SPTA1: variants seen among roughly 807,000 people sequenced by gnomAD.
SPTA1 encodes spectrin alpha chain, erythrocytic 1.
In SPTA1, 177 loss-of-function variants were observed where a neutral mutation model predicts 324.7. The ratio of observed to expected loss-of-function variants is 0.55; its 90% CI spans 0.48 to 0.62. The LOEUF is 0.62. Among genes scored for constraint, SPTA1 ranks in the 20% least tolerant of loss-of-function variants. SPTA1 has a pLI of 0.00. For synonymous variants in SPTA1, 1,195 were observed against 1,041.3 expected (o/e 1.15, Z -2.84); for missense variants, 3,162 against 2,883.6 (o/e 1.10, Z -2.21).
In SPTA1 at chr1:158,638,233, G is replaced by C. The variant is rs369565453; in HGVS notation, c.4989C>G (p.Leu1663=). Residue 1663 remains leucine, a synonymous_variant, in exon 36 of 52, where the codon CTC becomes CTG. Coordinates refer to ENST00000643759, the MANE Select transcript of SPTA1 (RefSeq NM_003126.4). ...EREMLAREDA[L]KDLNTLAEDL... ...CTTCAGCCAATGTATTCAGGTCCTT[G>C]AGTGCATCCTAGAAAGTCTCGGGAT... is the stretch of plus-strand genomic sequence containing the variant. 62 of 1,611,926 alleles carry C rather than the reference G, an allele frequency of 3.8e-5. No homozygotes were observed. In the African/African-American group the frequency reaches 7.7e-4, roughly 20 times the overall value.
chr1:158,619,682 C>T (rs915906956), intron 44 of SPTA1, among the ~76,000 whole-genome samples: 4 of 152,130 alleles, frequency 2.6e-5, no homozygotes, highest in Non-Finnish European at 5.9e-5. Flanking sequence ...CCCTTAGAAA[C>T]AATAGTTACT....
intron 47 of SPTA1, among the ~76,000 whole-genome samples, chr1:158,616,078 T>C (rs1649538498): frequency 6.6e-6 from 1 of 152,208 alleles, no homozygotes; most frequent in Non-Finnish European, 1.5e-5. Context: ...GCTTGTAGCC[T>C]TTCAAAGGTC....
chr1:158,651,309 A>G (rs977182099), intron 24 of SPTA1, 58 bp downstream of exon 24: 1 of 1,083,328 alleles, frequency 9.2e-7, no homozygotes, highest in Non-Finnish European at 1.4e-6. Flanking sequence ...TTGAAGTGAA[A>G]TGAGGACTCC....
intron 20 of SPTA1, among the ~76,000 whole-genome samples, 165 bp downstream of exon 20, chr1:158,656,399 A>G (rs1024807697): frequency 6.6e-6 from 1 of 152,226 alleles, no homozygotes; most frequent in African/African-American, 2.4e-5. Context: ...TCTCCTTTGG[A>G]CTAAATTGTG....
rs1178697449 is a variant in SPTA1 at position 158,654,750 on chromosome 1, T to G, written c.2899-2A>C. The G allele has an allele frequency of 6.2e-7, 1 of 1,613,414 alleles. No individual in the cohort carries two copies. The highest frequency in any genetic ancestry group is 1.1e-5 in the South Asian group (1 of 91,066). ...CTCCACTGGTGCAGCCTGTTGTTGC[T>G]GAATAAAAACAGGAAGCAGGTGTCA... On this transcript the variant is annotated splice_acceptor_variant, in intron 20 of 51. Transcript: ENST00000643759. LOFTEE classifies it high-confidence loss of function.
chr1:158,636,872 A>G, intron 36 of SPTA1, 111 bp from the exon 37 acceptor site: 1 of 1,584,960 alleles, frequency 6.3e-7, no homozygotes, highest in Non-Finnish European at 8.6e-7. Context: ...AGGTGGTTGT[A>G]AATTCTGTAA....
chr1:158,681,642 A>G lies in SPTA1; in HGVS notation c.416T>C (p.Leu139Pro). The change falls in exon 4 of 52, where the codon CTG becomes CCG. Residue 139 changes from leucine to proline, a missense_variant. Physicochemically the swap from Leu to Pro is moderately conservative, Grantham distance 98. Transcript: ENST00000643759. The part of the protein sequence containing the change: ...TKAHIEELRH[L>P]WDLLLELTLE... ...GGTCAGCTCTAACAGCAGGTCCCAC[A>G]GGTGGCGTAGCTCCTCTATATGGGC... is the stretch of plus-strand genomic sequence containing the variant. 6.2e-7 allele frequency: 1 copy of G among 1,613,738 alleles called. No individual in the cohort carries two copies. Among genetic ancestry groups the G allele is most frequent in the Non-Finnish European group, 8.5e-7 (1 of 1,179,772 alleles).
At chr1:158,629,160 ATG>A (rs1650502190) in intron 39 of SPTA1, among the ~76,000 whole-genome samples, 1 of 147,028 alleles carries the variant, frequency 6.8e-6, no homozygotes, top group African/African-American at 2.5e-5. Context: ...ATAGATAGAT[ATG>A]TCTATCAAGA....
Position 158,626,957 on chromosome 1 carries a change from A to G in SPTA1, c.5715T>C (p.Ala1905=). ...CCAGAGAAGGGGTCTTTTCATTCAG[A>G]GCCTCTATCTTGGAAGAAATCTCTT... ...QNKEISSKIE[A]LNEKTPSLAK... Residue 1905 remains alanine, a synonymous_variant, in exon 41 of 52, where the codon GCT becomes GCC. Transcript: ENST00000643759. 1 of 1,613,908 alleles carries G rather than the reference A, an allele frequency of 6.2e-7. No individual in the cohort carries two copies. The highest frequency in any genetic ancestry group is 8.5e-7 in the Non-Finnish European group (1 of 1,179,840).
At position 158,611,208 on chromosome 1, in the gene SPTA1, C is replaced by T; in HGVS notation, c.*56G>A. The T allele has an allele frequency of 1.9e-6, 3 of 1,604,664 alleles. No individual in the cohort carries two copies. The highest frequency in any genetic ancestry group is 2.6e-6 in the Non-Finnish European group (3 of 1,173,824). On this transcript the variant is annotated 3_prime_UTR_variant, in exon 52 of 52. Coordinates refer to ENST00000643759, the MANE Select transcript of SPTA1 (RefSeq NM_003126.4). The stretch of plus-strand genomic sequence containing the variant: ...TCCACATTTGCCTGTACTCTTTGCC[C>T]CCCAGTAAATTTCCCACGACACTAA...
intron 51 of SPTA1, 117 bp from the exon 52 acceptor site, chr1:158,611,506 C>T: frequency 8.4e-7 from 1 of 1,194,644 alleles, no homozygotes; most frequent in Non-Finnish European, 1.2e-6. Flanking sequence ...AAGACGCAAG[C>T]CCTATTTCTA....
rs953724860 is a variant in SPTA1, at chr1:158,678,337, T to C, written c.812+64A>G. The C allele has an allele frequency of 1.3e-5, 21 of 1,606,368 alleles. No individual in the cohort carries two copies. In the East Asian group the frequency reaches 1.6e-4, roughly 12 times the overall value. On this transcript the variant is annotated intron_variant, in intron 6 of 51. Coordinates refer to ENST00000643759, the MANE Select transcript of SPTA1 (RefSeq NM_003126.4). ...GCTAACAGAAGTAGAAAGAGCCTAA[T>C]ACAAAGACACGGTTTTTATAAAGCA...
chr1:158,632,759 CTT>C (rs34990595), intron 39 of SPTA1, among the ~76,000 whole-genome samples: 25 of 138,210 alleles, frequency 1.8e-4, no homozygotes, highest in Admixed American at 2.9e-4. Flanking sequence ...AGGAATTTGG[CTT>C]TTTTTTTTTT....
intron 4 of SPTA1, among the ~76,000 whole-genome samples, chr1:158,681,033 A>G (rs1654769874): frequency 1.3e-5 from 2 of 152,202 alleles, no homozygotes; most frequent in South Asian, 4.1e-4. Flanking sequence ...TTTCTACTCA[A>G]TTCAACATAT....
chr1:158,644,486 G>A, intron 29 of SPTA1, 90 bp from the exon 30 acceptor site: 1 of 1,486,736 alleles, frequency 6.7e-7, no homozygotes, highest in African/African-American at 1.4e-5. Flanking sequence ...TGACACAAAG[G>A]GTTTTGCAAG....
At position 158,653,441 on chromosome 1, in the gene SPTA1, A is replaced by T. The variant is rs781761825; in HGVS notation, c.3037-16T>A. The T allele has an allele frequency of 4.3e-6, 7 of 1,613,844 alleles. No individual in the cohort carries two copies. In the East Asian group the frequency reaches 1.1e-4, roughly 26 times the overall value. On this transcript the variant is annotated splice_polypyrimidine_tract_variant and intron_variant, in intron 21 of 51. Transcript: ENST00000643759. ...TCCACCAGTCCTGAAGGGAGAGCAG[A>T]TCCCCACTCCGTCATTAATTCTTGG...
At chr1:158,620,579 C>A in intron 43 of SPTA1, 113 bp from the exon 44 acceptor site, 1 of 1,358,380 alleles carries the variant, frequency 7.4e-7, no homozygotes, top group Non-Finnish European at 1.0e-6. Flanking sequence ...GGCCACCAAT[C>A]TAAAAGGGCA....
chr1:158,662,641 T>A, intron 17 of SPTA1, 61 bp downstream of exon 17: 1 of 1,610,830 alleles, frequency 6.2e-7, no homozygotes, highest in East Asian at 2.2e-5. Flanking sequence ...ACCCCAGATC[T>A]CTCTCAATAT....
At chr1:158,651,905 CTCTCTG>C (rs1274385176) in intron 23 of SPTA1, among the ~76,000 whole-genome samples, 1 of 147,832 alleles carries the variant, frequency 6.8e-6, no homozygotes, top group Admixed American at 6.7e-5. Context: ...CTCTCTCTCT[CTCTCTG>C]TGTGTGTGTG....
Sources: gnomAD v4.1 joint callset for allele counts (sites outside exome capture counted in the v4.1 genomes callset) on GRCh38, gnomAD v4.1.1 for gene constraint, MANE v1.5 for transcripts, NCBI Gene and HGNC (gene_info 2026-07-23, HGNC 2026-07-21) for gene names.